The following CCDC138 variants were observed in gnomAD, a reference collection of about 807,000 sequenced individuals.
The protein encoded by CCDC138 is coiled-coil domain containing 138.
A neutral mutation model predicts 82.3 loss-of-function variants in CCDC138; 66 were observed. That is an observed-to-expected ratio of 0.80 (90% CI 0.66 to 0.98). The LOEUF (loss-of-function observed/expected upper bound fraction) is 0.98. CCDC138 is among the 50% of genes least tolerant of loss of function. The pLI, the probability that CCDC138 is intolerant of heterozygous loss-of-function variation, is 0.00. For missense variants in CCDC138, 816 were observed against 758.9 expected, an observed-to-expected ratio of 1.08 and a Z score of -0.88; for synonymous variants, 297 against 265.4, an observed-to-expected ratio of 1.12 and a Z score of -1.16.
intron 13 of CCDC138, among the ~76,000 whole-genome samples, chr2:108,869,398 T>A (rs1395690021): frequency 6.6e-6 from 1 of 152,176 alleles, no homozygotes; most frequent in Non-Finnish European, 1.5e-5. Context: ...GCAGGACTAG[T>A]TTGAGGCATT....
chr2:108,873,475 C>T lies in CCDC138; in HGVS notation c.1718C>T (p.Ala573Val). The T allele has an allele frequency of 2.5e-6, 4 of 1,602,856 alleles. No individual in the cohort carries two copies. Among genetic ancestry groups the T allele is most frequent in the Non-Finnish European group, 3.4e-6 (4 of 1,175,004 alleles). ...ESKSLQPFLE[A>V]CSNSLFFRTC... The stretch of plus-strand genomic sequence containing the variant: ...GAATCCTTGCAGCCTTTCCTGGAAG[C>T]CTGTAGCAACTCTTTATTTTTTCGT... The change falls in exon 14 of 15, where the codon GCC becomes GTC. Residue 573 changes from alanine to valine, a missense_variant. Physicochemically the swap from Ala to Val is moderately conservative, Grantham distance 64. Coordinates refer to ENST00000295124, the MANE Select transcript of CCDC138 (RefSeq NM_144978.3).
chr2:108,869,955 G>A (rs533872063), intron 13 of CCDC138, among the ~76,000 whole-genome samples: 1 of 152,304 alleles, frequency 6.6e-6, no homozygotes, highest in South Asian at 2.1e-4. Context: ...AAACTATCCT[G>A]TAAAGACACA....
intron 7 of CCDC138, among the ~76,000 whole-genome samples, chr2:108,808,024 A>G (rs1182569002): frequency 1.3e-5 from 2 of 152,114 alleles, no homozygotes; most frequent in East Asian, 1.9e-4. Flanking sequence ...TGTGAGATCA[A>G]CTTGTTTTTT....
Position 108,812,695 on chromosome 2 carries a change from TAGATA to T in CCDC138, c.922_926del (p.Asp308PhefsTer22). On this transcript the variant is annotated frameshift_variant, in exon 8 of 15. Transcript: ENST00000295124. LOFTEE classifies it high-confidence loss of function. ...CAGGCTAAAAGAGTTCAAGCTCGTT[TAGATA>T]ATTTACAGGTAAGTTGCCTGTTCTT... 1.2e-6 allele frequency: 2 copies of T among 1,610,628 alleles called. No individual in the cohort carries two copies. Among genetic ancestry groups the T allele is most frequent in the Non-Finnish European group, 1.7e-6 (2 of 1,176,896 alleles).
At chr2:108,806,599 C>T (rs998193505) in intron 7 of CCDC138, among the ~76,000 whole-genome samples, 1 of 152,066 alleles carries the variant, frequency 6.6e-6, no homozygotes, top group Non-Finnish European at 1.5e-5. Context: ...GCTCTGCCAT[C>T]GTAATGCGAA....
At chr2:108,864,531 C>T (rs895569031) in intron 13 of CCDC138, among the ~76,000 whole-genome samples, 6 of 152,120 alleles carry the variant, frequency 3.9e-5, no homozygotes, top group South Asian at 2.1e-4. Context: ...GGCACGGTGG[C>T]TCACACCTGT....
At chr2:108,881,016 AGGGG>A (rs1386563215), downstream of CCDC138, among the ~76,000 whole-genome samples, 1 of 152,218 alleles carries the variant, frequency 6.6e-6, no homozygotes, top group Non-Finnish European at 1.5e-5. Flanking sequence ...AATGACTTTG[AGGGG>A]TTTAAGACTT....
intron 13 of CCDC138, among the ~76,000 whole-genome samples, chr2:108,861,761 G>A (rs909539806): frequency 1.3e-5 from 2 of 151,844 alleles, no homozygotes; most frequent in Non-Finnish European, 2.9e-5. Flanking sequence ...GATTACAGGC[G>A]TGAGCCACCG....
intron 4 of CCDC138, among the ~76,000 whole-genome samples, 190 bp downstream of exon 4, chr2:108,791,992 TA>T (rs1421025823): frequency 1.3e-5 from 2 of 152,234 alleles, no homozygotes; most frequent in Admixed American, 1.3e-4. Flanking sequence ...TAAACTTCAT[TA>T]TTTTTCAGTA....
Position 108,786,915 on chromosome 2 carries a change from G to A in CCDC138, c.93G>A (p.Glu31=). 6.6e-7 allele frequency: 1 copy of A among 1,525,286 alleles called. No individual in the cohort carries two copies. Among genetic ancestry groups the A allele is most frequent in the Non-Finnish European group, 8.8e-7 (1 of 1,137,932 alleles). 94.5% of individuals were successfully genotyped at this position (1,525,286 alleles called of 1,614,324 possible). The change falls in exon 1 of 15, where the codon GAG becomes GAA. Residue 31 remains glutamate (E), a splice_region_variant and synonymous_variant. Coordinates refer to ENST00000295124, the MANE Select transcript of CCDC138 (RefSeq NM_144978.3). Reference sequence around the variant, plus strand: ...GACTCGGGGGCAGCTGCCCCGACGAGGTGAAGCCGCCGCCTGAGGTCCGCG... The same window carrying A: ...GACTCGGGGGCAGCTGCCCCGACGAAGTGAAGCCGCCGCCTGAGGTCCGCG... ...RYGLGGSCPD[E]YDFSNFYQSK...
chr2:108,845,524 T>G (rs1350439069), intron 11 of CCDC138, among the ~76,000 whole-genome samples: 1 of 152,146 alleles, frequency 6.6e-6, no homozygotes, highest in Non-Finnish European at 1.5e-5. Flanking sequence ...CAAATCTGGT[T>G]TAAGCATTCT....
intron 13 of CCDC138, among the ~76,000 whole-genome samples, chr2:108,857,431 C>A (rs567325607): frequency 3.4e-4 from 51 of 152,192 alleles, no homozygotes; most frequent in Middle Eastern, 6.8e-3. Flanking sequence ...TTAATAACAT[C>A]ACTAAAAAAT....
rs1357696557 is a variant in CCDC138, at chr2:108,874,296, G to A, written c.1832+707G>A. 4.6e-5 allele frequency among the ~76,000 whole-genome samples: 7 copies of A among 152,126 alleles called. No homozygotes were observed. The East Asian group carries it at 1.2e-3, about 25-fold the overall frequency. The stretch of plus-strand genomic sequence containing the variant: ...TTATTTTAGTAAACTCTTATGGACT[G>A]CCTACTGCCACTAATTTGGATTTTT... On this transcript the variant is annotated intron_variant, in intron 14 of 14. Transcript: ENST00000295124.
chr2:108,835,773 A>G (rs918803082), intron 10 of CCDC138, among the ~76,000 whole-genome samples: 3 of 152,188 alleles, frequency 2.0e-5, no homozygotes, highest in Non-Finnish European at 2.9e-5. Flanking sequence ...CTCAGTACCA[A>G]TTGTCTCTGT....
intron 10 of CCDC138, among the ~76,000 whole-genome samples, chr2:108,817,714 A>G (rs2149968058): frequency 6.6e-6 from 1 of 152,332 alleles, no homozygotes; most frequent in South Asian, 2.1e-4. Flanking sequence ...AAGGAAATGG[A>G]TCCTCCCTTA....
chr2:108,846,397 C>A (rs570883575), intron 11 of CCDC138, among the ~76,000 whole-genome samples: 1 of 151,922 alleles, frequency 6.6e-6, no homozygotes, highest in Non-Finnish European at 1.5e-5. Context: ...TAGTTATTGG[C>A]CAGGCACAGT....
At chr2:108,813,265 A>AAAG (rs1334505294) in intron 9 of CCDC138, among the ~76,000 whole-genome samples, 2 of 150,842 alleles carry the variant, frequency 1.3e-5, no homozygotes, top group Non-Finnish European at 3.0e-5. Context: ...AAAAAAAAAA[A>AAAG]AAAAAAAGAA....
intron 9 of CCDC138, among the ~76,000 whole-genome samples, chr2:108,815,128 GA>G (rs1386005319): frequency 4.6e-5 from 7 of 151,818 alleles, no homozygotes; most frequent in South Asian, 2.1e-4. Context: ...AGATTTCTAG[GA>G]AAAAAATGTT....
intron 10 of CCDC138, among the ~76,000 whole-genome samples, chr2:108,838,012 G>A (rs1211361836): frequency 6.6e-6 from 1 of 151,940 alleles, no homozygotes; most frequent in Non-Finnish European, 1.5e-5. Flanking sequence ...CTTTATTGTG[G>A]TTTCCACATG....
Sources: gnomAD v4.1 joint callset for allele counts (sites outside exome capture counted in the v4.1 genomes callset) on GRCh38, gnomAD v4.1.1 for gene constraint, MANE v1.5 for transcripts, NCBI Gene and HGNC (gene_info 2026-07-23, HGNC 2026-07-21) for gene names.